HIVEP3: variants seen among roughly 807,000 people sequenced by gnomAD.
HIVEP3 encodes transcription factor HIVEP3.
A neutral mutation model predicts 152.8 loss-of-function variants in HIVEP3; 49 were observed. The ratio of observed to expected loss-of-function variants is 0.32; its 90% CI spans 0.26 to 0.41. The LOEUF is 0.41. Among genes scored for constraint, HIVEP3 ranks in the 10% least tolerant of loss-of-function variants. The pLI, the probability that HIVEP3 is intolerant of heterozygous loss-of-function variation, is 1.00. For synonymous variants in HIVEP3, 1,269 were observed against 1,289.0 expected, an observed-to-expected ratio of 0.98 and a Z score of 0.33; for missense variants, 2,790 against 3,103.3, an observed-to-expected ratio of 0.90 and a Z score of 2.40.
At chr1:41,790,267 C>G (rs578054975) in intron 1 of HIVEP3, among the ~76,000 whole-genome samples, 1 of 152,238 alleles carries the variant, frequency 6.6e-6, no homozygotes, top group Non-Finnish European at 1.5e-5. Context: ...AGCTTGGCAC[C>G]TCCCCTCTCT....
intron 1 of HIVEP3, among the ~76,000 whole-genome samples, chr1:41,826,863 C>A (rs1467455572): frequency 1.3e-5 from 2 of 152,206 alleles, no homozygotes; most frequent in Non-Finnish European, 2.9e-5. Flanking sequence ...CTGAGCCCTG[C>A]CATGCACTTG....
chr1:41,720,407 GAC>G (rs767942825), intron 1 of HIVEP3, among the ~76,000 whole-genome samples: 5 of 152,222 alleles, frequency 3.3e-5, no homozygotes, highest in Non-Finnish European at 5.9e-5. Flanking sequence ...TCTAGAAAGA[GAC>G]ATGTTCATCC....
In HIVEP3 at chr1:41,579,748, G is replaced by A. The variant is rs754835590; in HGVS notation, c.5050C>T (p.Arg1684Cys). Residue 1684 changes from arginine (R) to cysteine (C), a missense_variant, in exon 4 of 9, where the codon CGC becomes TGC. Physicochemically the swap from Arg to Cys is radical, Grantham distance 180 (BLOSUM62 -3). Around this residue, in one of 9 missense-constraint regions of HIVEP3, gnomAD observed 1,078 missense variants for 1,165.3 expected, o/e 0.93. Coordinates refer to ENST00000372583, the MANE Select transcript of HIVEP3 (RefSeq NM_024503.5). ...RLVPSSSRKP[R>C]MTEVHLPSLV... The stretch of plus-strand genomic sequence containing the variant: ...AAGGCTGAACTTACCTCTGTCATGC[G>A]GGGCTTGCGGGAGCTGGATGGCACA... The A allele has an allele frequency of 1.5e-5, 23 of 1,578,502 alleles. No individual in the cohort carries two copies. In the East Asian group the frequency reaches 1.6e-4, roughly 11 times the overall value.
chr1:41,690,467 C>T (rs552758091), intron 2 of HIVEP3, among the ~76,000 whole-genome samples: 3 of 152,338 alleles, frequency 2.0e-5, no homozygotes, highest in Non-Finnish European at 2.9e-5. Flanking sequence ...GGGAGCACCC[C>T]GCTTCCACGA....
At chr1:41,522,620 T>TC (rs1448629710) in intron 6 of HIVEP3, among the ~76,000 whole-genome samples, 79 of 152,240 alleles carry the variant, frequency 5.2e-4, no homozygotes, top group Non-Finnish European at 1.6e-4. Context: ...TCCAAAGCCC[T>TC]CCAGGGCCCT....
intron 1 of HIVEP3, among the ~76,000 whole-genome samples, chr1:41,980,814 A>C (rs1344699002): frequency 6.6e-6 from 1 of 152,224 alleles, no homozygotes; most frequent in African/African-American, 2.4e-5. Flanking sequence ...CATGTCAGCG[A>C]CAAGAAGTAG....
chr1:41,669,817 T>C (rs1437763976), intron 2 of HIVEP3, among the ~76,000 whole-genome samples: 2 of 152,224 alleles, frequency 1.3e-5, no homozygotes, highest in Admixed American at 1.3e-4. Flanking sequence ...CATAAGCACA[T>C]GAGCTAATTA....
upstream of HIVEP3, among the ~76,000 whole-genome samples, chr1:41,919,239 A>C (rs1277720962): frequency 2.0e-5 from 3 of 152,156 alleles, no homozygotes; most frequent in Non-Finnish European, 4.4e-5. Context: ...AAACACTATG[A>C]TCCTTCACTT....
intron 1 of HIVEP3, among the ~76,000 whole-genome samples, chr1:42,006,351 G>A (rs923417642): frequency 3.3e-5 from 5 of 152,022 alleles, no homozygotes; most frequent in African/African-American, 7.2e-5. Flanking sequence ...CCAGAGCAGC[G>A]GTTCTGAAAC....
At chr1:41,575,100 A>C (rs571641420) in intron 5 of HIVEP3, among the ~76,000 whole-genome samples, 2 of 152,244 alleles carry the variant, frequency 1.3e-5, no homozygotes, top group African/African-American at 2.4e-5. Flanking sequence ...CAAACAGCCT[A>C]GTCGGCTGAG....
chr1:41,932,573 G>A (rs1000576379), intron 1 of HIVEP3, among the ~76,000 whole-genome samples: 1 of 151,452 alleles, frequency 6.6e-6, no homozygotes. Context: ...TTTTTTCTTG[G>A]TCAGTCTGCC....
intron 2 of HIVEP3, among the ~76,000 whole-genome samples, chr1:41,660,228 C>T (rs553657557): frequency 1.3e-5 from 2 of 152,274 alleles, no homozygotes; most frequent in South Asian, 4.1e-4. Flanking sequence ...GGTACCATTA[C>T]CAAGCTCTTC....
chr1:41,882,886 G>C (rs1644285728), intron 1 of HIVEP3, among the ~76,000 whole-genome samples: 1 of 152,130 alleles, frequency 6.6e-6, no homozygotes, highest in African/African-American at 2.4e-5. Context: ...CTGCCACTTT[G>C]GTTTGTCATG....
chr1:41,587,858 C>T (rs182911469), intron 3 of HIVEP3, among the ~76,000 whole-genome samples: 168 of 152,294 alleles, frequency 1.1e-3, no homozygotes, highest in Admixed American at 1.8e-3. Flanking sequence ...TGGCATGATG[C>T]GCACTGCAGT....
At chr1:41,525,666 C>T (rs1642879364) in intron 5 of HIVEP3, among the ~76,000 whole-genome samples, 1 of 152,218 alleles carries the variant, frequency 6.6e-6, no homozygotes, top group Admixed American at 6.5e-5. Context: ...TGCCACATCG[C>T]TTGGGGTTCT....
At chr1:41,996,701 A>G (rs1373947835) in intron 1 of HIVEP3, among the ~76,000 whole-genome samples, 2 of 152,194 alleles carry the variant, frequency 1.3e-5, no homozygotes, top group African/African-American at 4.8e-5. Context: ...GCTATAATGA[A>G]TTATCACAAA....
chr1:41,704,936 T>C (rs1363706131), intron 1 of HIVEP3, among the ~76,000 whole-genome samples: 3 of 152,230 alleles, frequency 2.0e-5, no homozygotes, highest in Admixed American at 2.0e-4. Flanking sequence ...ACTGGCTCCA[T>C]AGACTGTTTT....
chr1:41,893,770 T>G (rs1449165895), intron 1 of HIVEP3, among the ~76,000 whole-genome samples: 2 of 147,478 alleles, frequency 1.4e-5, no homozygotes, highest in African/African-American at 2.5e-5. Context: ...ATACATATTT[T>G]TATATATTAT....
chr1:41,828,762 A>G (rs1642875707), intron 1 of HIVEP3, among the ~76,000 whole-genome samples: 1 of 152,100 alleles, frequency 6.6e-6, no homozygotes, highest in Admixed American at 6.5e-5. Flanking sequence ...CTCCTCAAAT[A>G]TCATTTGTCC....
Sources: allele counts gnomAD v4.1 joint callset (sites outside exome capture counted in the v4.1 genomes callset), GRCh38; gene constraint gnomAD v4.1.1; regional missense constraint gnomAD v4.1.1; transcripts MANE v1.5; gene names NCBI Gene and HGNC (gene_info 2026-07-23, HGNC 2026-07-21).